Variants in EGFR observed in about 807,000 individuals in gnomAD.
EGFR encodes the protein avian erythroblastic leukemia viral (v-erb-b) oncogene homolog.
In EGFR, 58 loss-of-function variants were observed where a neutral mutation model predicts 143.0. The ratio of observed to expected loss-of-function variants is 0.41; its 90% CI spans 0.33 to 0.50. The LOEUF is 0.50. EGFR is among the 20% of genes least tolerant of loss of function. The pLI is 0.39. For synonymous variants in EGFR, 613 were observed against 594.4 expected (o/e 1.03, Z -0.45); for missense variants, 1,307 against 1,579.0 (o/e 0.83, Z 2.92).
intron 1 of EGFR, among the ~76,000 whole-genome samples, chr7:55,049,832 G>T (rs562981899): frequency 1.1e-4 from 16 of 152,158 alleles, no homozygotes; most frequent in Non-Finnish European, 2.2e-4. Flanking sequence ...TTTAAAATTG[G>T]TCCCTGATCT....
intron 1 of EGFR, among the ~76,000 whole-genome samples, chr7:55,067,410 C>A (rs867518519): frequency 6.6e-6 from 1 of 151,428 alleles, no homozygotes; most frequent in Non-Finnish European, 1.5e-5. Flanking sequence ...GCATAGACAA[C>A]GCAGAATGAC....
chr7:55,176,758 C>A (rs1340845556), intron 19 of EGFR, among the ~76,000 whole-genome samples: 1 of 147,934 alleles, frequency 6.8e-6, no homozygotes, highest in Non-Finnish European at 1.5e-5. Context: ...CTATATATAT[C>A]TGAATATAGA....
At chr7:55,148,618 A>G (rs1794887093) in intron 4 of EGFR, among the ~76,000 whole-genome samples, 1 of 152,242 alleles carries the variant, frequency 6.6e-6, no homozygotes. Flanking sequence ...CTTAACTATT[A>G]GGGGTGAAAA....
intron 1 of EGFR, among the ~76,000 whole-genome samples, chr7:55,094,290 G>A (rs1791306460): frequency 6.6e-6 from 1 of 152,196 alleles, no homozygotes; most frequent in Non-Finnish European, 1.5e-5. Flanking sequence ...CCACGCAGCT[G>A]CCTGGTGCAA....
intron 1 of EGFR, among the ~76,000 whole-genome samples, chr7:55,067,858 G>A (rs893895467): frequency 6.6e-6 from 1 of 151,320 alleles, no homozygotes; most frequent in Admixed American, 6.6e-5. Context: ...GCGCCTGTGT[G>A]TGTCTGTGTG....
At chr7:55,054,963 C>T (rs971047607) in intron 1 of EGFR, among the ~76,000 whole-genome samples, 2 of 152,230 alleles carry the variant, frequency 1.3e-5, no homozygotes, top group Non-Finnish European at 2.9e-5. Flanking sequence ...TGGCGAGATG[C>T]ACCCTCCTGC....
chr7:55,116,747 A>T (rs1792873630), intron 1 of EGFR, among the ~76,000 whole-genome samples: 1 of 152,220 alleles, frequency 6.6e-6, no homozygotes, highest in African/African-American at 2.4e-5. Context: ...GCTTACATAG[A>T]ATCCTCCAGT....
At chr7:55,179,673 TAC>T (rs1786769672) in intron 19 of EGFR, 1 of 152,250 alleles carries the variant, frequency 6.6e-6, no homozygotes, top group African/African-American at 2.4e-5. Context: ...AGTAAATATT[TAC>T]AGTTTGCCCT....
In EGFR at chr7:55,130,726, G is replaced by A. The variant is rs1432979448; in HGVS notation, c.89-11560G>A. Among the ~76,000 whole-genome samples the A allele has an allele frequency of 2.6e-5, 4 of 152,360 alleles. No homozygotes were observed. In the East Asian group the frequency reaches 7.7e-4, roughly 29 times the overall value. ...GGTCAGGCGAGGCCCTTTTCTAAAT[G>A]AAAAAGAACAGGGGTGGAGACTGTT... On this transcript the variant is annotated intron_variant, in intron 1 of 27. Coordinates refer to ENST00000275493, the MANE Select transcript of EGFR (RefSeq NM_005228.5).
chr7:55,161,357 C>T, intron 12 of EGFR, 142 bp from the exon 13 acceptor site: 1 of 1,195,480 alleles, frequency 8.4e-7, no homozygotes, highest in Non-Finnish European at 1.1e-6. Context: ...CAGTCTGTGT[C>T]CTCCTCCTTC....
At chr7:55,035,270 C>T (rs1787490668) in intron 1 of EGFR, among the ~76,000 whole-genome samples, 1 of 152,114 alleles carries the variant, frequency 6.6e-6, no homozygotes, top group Admixed American at 6.5e-5. Context: ...TTTCAAAACA[C>T]ATTTTATTTA....
intron 1 of EGFR, among the ~76,000 whole-genome samples, chr7:55,129,314 G>A (rs1245769723): frequency 2.6e-5 from 4 of 152,378 alleles, no homozygotes; most frequent in East Asian, 3.9e-4. Context: ...GCACTGGGGT[G>A]AGAAACGTGA....
chr7:55,114,047 G>A (rs545108814), intron 1 of EGFR, among the ~76,000 whole-genome samples: 1 of 152,324 alleles, frequency 6.6e-6, no homozygotes, highest in East Asian at 1.9e-4. Context: ...TCCTTCCTGT[G>A]TTCTCACATT....
At chr7:55,109,995 G>A (rs1024846994) in intron 1 of EGFR, 2 of 969,706 alleles carry the variant, frequency 2.1e-6, no homozygotes, top group South Asian at 4.8e-5. Flanking sequence ...AAAGAAAAAT[G>A]TGAGAGATAA....
chr7:55,113,595 C>T (rs531389695), intron 1 of EGFR, among the ~76,000 whole-genome samples: 2 of 152,168 alleles, frequency 1.3e-5, no homozygotes, highest in East Asian at 3.9e-4. Flanking sequence ...AATAGAGGAT[C>T]GATAAGGAAA....
At chr7:55,066,449 C>CT (rs11396214) in intron 1 of EGFR, among the ~76,000 whole-genome samples, 130,414 of 152,196 alleles carry the variant, frequency 0.86, 56,211 homozygotes, top group East Asian at 0.97. Flanking sequence ...CGAATTCCTC[C>CT]GGCCAGGGCT....
chr7:55,138,706 T>G (rs141393515), intron 1 of EGFR, among the ~76,000 whole-genome samples: 2 of 152,342 alleles, frequency 1.3e-5, no homozygotes, highest in East Asian at 3.9e-4. Flanking sequence ...GCTTATATAT[T>G]TTTTCAATCT....
At chr7:55,202,486 C>A (rs201383738) in intron 26 of EGFR, 31 bp from the exon 27 acceptor site, 2 of 1,557,416 alleles carry the variant, frequency 1.3e-6, no homozygotes, top group Middle Eastern at 1.7e-4. Context: ...CAGCCCTGAC[C>A]GGAGTAACCT....
At position 55,173,772 on chromosome 7, in the gene EGFR, G is replaced by A. The variant is rs982562455; in HGVS notation, c.2062-149G>A. 5 of 1,247,952 alleles carry A rather than the reference G, an allele frequency of 4.0e-6. No homozygotes were observed. In the African/African-American group the frequency reaches 7.4e-5, roughly 18 times the overall value. 77.3% of individuals were successfully genotyped at this position (1,247,952 alleles called of 1,614,324 possible). ...AGCTCTGTAGAGAAGGCGTACATTT[G>A]TCCTTCCAAATGAGCTGGCAAGTGC... is the stretch of plus-strand genomic sequence containing the variant. On this transcript the variant is annotated intron_variant, in intron 17 of 27. Coordinates refer to ENST00000275493, the MANE Select transcript of EGFR (RefSeq NM_005228.5).
Sources: gnomAD v4.1 joint callset for allele counts (sites outside exome capture counted in the v4.1 genomes callset) on GRCh38, gnomAD v4.1.1 for gene constraint, MANE v1.5 for transcripts, NCBI Gene and HGNC (gene_info 2026-07-23, HGNC 2026-07-21) for gene names.